RFTN1: variants seen among roughly 807,000 people sequenced by gnomAD.
The protein encoded by RFTN1 is raftlin.
In RFTN1, 26 loss-of-function variants were observed where a neutral mutation model predicts 46.5. The ratio of observed to expected loss-of-function variants is 0.56; its 90% CI spans 0.41 to 0.78. RFTN1 has a LOEUF of 0.78. Ranked by LOEUF, RFTN1 falls within the 30% of genes least tolerant of loss-of-function variation. RFTN1 has a pLI of 0.00. For synonymous variants in RFTN1, 261 were observed against 284.2 expected, an observed-to-expected ratio of 0.92 and a Z score of 0.82; for missense variants, 693 against 718.7, an observed-to-expected ratio of 0.96 and a Z score of 0.41.
At chr3:16,502,470 C>A (rs1206868227) in intron 1 of RFTN1, among the ~76,000 whole-genome samples, 1 of 152,142 alleles carries the variant, frequency 6.6e-6, no homozygotes, top group African/African-American at 2.4e-5. Flanking sequence ...CAGTGATCCT[C>A]CTGGTATTCA....
intron 1 of RFTN1, among the ~76,000 whole-genome samples, chr3:16,511,833 C>T (rs1215685999): frequency 1.3e-5 from 2 of 152,078 alleles, no homozygotes; most frequent in East Asian, 3.9e-4. Context: ...TCTTTCAATT[C>T]CTGTACCAAA....
At chr3:16,326,474 A>AT (rs1274816754) in intron 8 of RFTN1, among the ~76,000 whole-genome samples, 4 of 152,212 alleles carry the variant, frequency 2.6e-5, no homozygotes, top group Non-Finnish European at 5.9e-5. Flanking sequence ...TAGGTGCTGA[A>AT]TTTCTTTTGC....
In RFTN1 at chr3:16,485,425, ACAAGGACTCCATACATACAACAG is replaced by A. The variant is rs1559370519; in HGVS notation, c.145+8277_145+8299del. ...CAGCAAGGACTCCATATATACAACA[ACAAGGACTCCATACATACAACAG>A]CAAGGACTCCATACATACAACATCA... On this transcript the variant is annotated intron_variant, in intron 2 of 9. Transcript: ENST00000334133. Among the ~76,000 whole-genome samples the A allele has an allele frequency of 2.7e-5, 4 of 150,564 alleles. No homozygotes were observed. In the South Asian group the frequency reaches 6.2e-4, roughly 23 times the overall value.
intron 4 of RFTN1, among the ~76,000 whole-genome samples, chr3:16,394,189 T>C (rs975950346): frequency 2.6e-5 from 4 of 151,762 alleles, no homozygotes; most frequent in Admixed American, 6.6e-5. Context: ...CTGGGTAACA[T>C]AGCATGACCC....
At chr3:16,488,419 T>C (rs1439787104) in intron 2 of RFTN1, among the ~76,000 whole-genome samples, 1 of 152,080 alleles carries the variant, frequency 6.6e-6, no homozygotes. Context: ...TTTTGGAAAA[T>C]GCACATGGCA....
intron 1 of RFTN1, among the ~76,000 whole-genome samples, chr3:16,495,170 T>C (rs1331740949): frequency 6.6e-6 from 1 of 152,180 alleles, no homozygotes; most frequent in Non-Finnish European, 1.5e-5. Context: ...AGAGCAGACA[T>C]GATTTATGTG....
rs2072099161 is a variant in RFTN1 at position 16,351,470 on chromosome 3, CAG to C, written c.1146+6460_1146+6461del. Among the ~76,000 whole-genome samples the C allele has an allele frequency of 6.6e-6, 1 of 152,244 alleles. No individual in the cohort carries two copies. Among genetic ancestry groups the C allele is most frequent in the Admixed American group, 6.5e-5 (1 of 15,294 alleles). ...CTCAACAAAAGATTGAATACGCAGG[CAG>C]AGAGTGGAGAAGAGCTGACTCCAGA... is the stretch of plus-strand genomic sequence containing the variant. On this transcript the variant is annotated intron_variant, in intron 7 of 9. Coordinates refer to ENST00000334133, the MANE Select transcript of RFTN1 (RefSeq NM_015150.2). The surrounding 1 kb of genome is among the most constrained non-coding windows in gnomAD (Gnocchi z 5.4).
At chr3:16,511,943 A>T (rs2076908655) in intron 1 of RFTN1, among the ~76,000 whole-genome samples, 1 of 152,134 alleles carries the variant, frequency 6.6e-6, no homozygotes, top group African/African-American at 2.4e-5. Flanking sequence ...TGATATACAA[A>T]TGCAGCCAGA....
At chr3:16,510,067 C>T (rs900987539) in intron 1 of RFTN1, among the ~76,000 whole-genome samples, 37 of 152,216 alleles carry the variant, frequency 2.4e-4, no homozygotes, top group South Asian at 8.3e-4. Context: ...TTAGGGGACC[C>T]GAGGGGCACA....
chr3:16,359,721 T>C (rs1162765928), intron 6 of RFTN1, among the ~76,000 whole-genome samples: 2 of 152,224 alleles, frequency 1.3e-5, no homozygotes, highest in African/African-American at 2.4e-5. Flanking sequence ...TATTTTGTTA[T>C]GACAGTCCTA....
At chr3:16,369,930 G>C (rs1345247579) in intron 6 of RFTN1, 146 bp downstream of exon 6, 7 of 752,834 alleles carry the variant, frequency 9.3e-6, no homozygotes, top group Non-Finnish European at 1.5e-5. Context: ...AGTTCCTCAA[G>C]ATGTGTTAAT....
intron 2 of RFTN1, among the ~76,000 whole-genome samples, chr3:16,455,168 G>C (rs1383344043): frequency 3.3e-5 from 5 of 152,234 alleles, no homozygotes; most frequent in African/African-American, 9.6e-5. Context: ...AACAGCTGCA[G>C]CAACAGCAGC....
Position 16,334,342 on chromosome 3 carries a change from G to GAAC in RFTN1, c.1147-7469_1147-7467dup, listed in dbSNP as rs1275714167. Among the ~76,000 whole-genome samples, 1 of 152,190 alleles carries GAAC rather than the reference G, an allele frequency of 6.6e-6. No homozygotes were observed. Among genetic ancestry groups the GAAC allele is most frequent in the Non-Finnish European group, 1.5e-5 (1 of 68,044 alleles). On this transcript the variant is annotated intron_variant, in intron 7 of 9. Coordinates refer to ENST00000334133, the MANE Select transcript of RFTN1 (RefSeq NM_015150.2). The surrounding 1 kb of genome is among the most constrained non-coding windows in gnomAD (Gnocchi z 4.3). ...GGCTCATTGATTCAACCCTCCTGGA[G>GAAC]AACAGTTTGACAGTATCTTTCAAAA... is the stretch of plus-strand genomic sequence containing the variant.
At chr3:16,510,371 T>C (rs915228813) in intron 1 of RFTN1, among the ~76,000 whole-genome samples, 13 of 152,160 alleles carry the variant, frequency 8.5e-5, no homozygotes, top group African/African-American at 2.7e-4. Context: ...TTTTTCTTTT[T>C]ATAGAAAGCA....
intron 4 of RFTN1, among the ~76,000 whole-genome samples, chr3:16,390,535 T>G (rs2074319694): frequency 6.6e-6 from 1 of 152,236 alleles, no homozygotes; most frequent in Admixed American, 6.5e-5. Context: ...TTAGCAAACC[T>G]GTATGCAAAC....
chr3:16,394,051 C>T (rs1332687709), intron 4 of RFTN1, among the ~76,000 whole-genome samples: 1 of 151,996 alleles, frequency 6.6e-6, no homozygotes, highest in Non-Finnish European at 1.5e-5. Context: ...AGTAGGCAAT[C>T]TTCTTAAAGA....
rs187464914 is a variant in RFTN1 at position 16,329,134 on chromosome 3, A to C, written c.1147-2258T>G. Reference sequence around the variant, plus strand: ...ACTCAGGCAAAGGGCTTGAGGCTACAAGTTCAGTCTCCTGCTCTCTCCCCT... The same window carrying C: ...ACTCAGGCAAAGGGCTTGAGGCTACCAGTTCAGTCTCCTGCTCTCTCCCCT... On this transcript the variant is annotated intron_variant, in intron 7 of 9. Coordinates refer to ENST00000334133, the MANE Select transcript of RFTN1 (RefSeq NM_015150.2). This position sits in a 1 kb window ranked among gnomAD's most constrained non-coding sequence, Gnocchi z 4.5. Among the ~76,000 whole-genome samples the C allele has an allele frequency of 1.3e-5, 2 of 152,198 alleles. No individual in the cohort carries two copies. The highest frequency in any genetic ancestry group is 2.9e-5 in the Non-Finnish European group (2 of 68,022).
rs1464332689 is a variant in RFTN1 at position 16,317,773 on chromosome 3, G to A, written c.1333-541C>T. The stretch of plus-strand genomic sequence containing the variant: ...GGCGGGCCCGCTCCCCAGCTAGGCC[G>A]ATAGCCCTTTGCTGACCACCACCTC... On this transcript the variant is annotated intron_variant, in intron 9 of 9. Coordinates refer to ENST00000334133, the MANE Select transcript of RFTN1 (RefSeq NM_015150.2). This position sits in a 1 kb window ranked among gnomAD's most constrained non-coding sequence, Gnocchi z 4.3. 1.3e-5 allele frequency among the ~76,000 whole-genome samples: 2 copies of A among 151,768 alleles called. No homozygotes were observed. Among genetic ancestry groups the A allele is most frequent in the Non-Finnish European group, 2.9e-5 (2 of 67,990 alleles).
chr3:16,415,321 G>A (rs531582114), intron 3 of RFTN1, among the ~76,000 whole-genome samples: 12 of 151,246 alleles, frequency 7.9e-5, no homozygotes, highest in South Asian at 2.1e-4. Context: ...ACAGGCTTAG[G>A]GGGGAAGAAA....
Sources: gnomAD v4.1 joint callset for allele counts (sites outside exome capture counted in the v4.1 genomes callset) on GRCh38, gnomAD v4.1.1 for gene constraint, Gnocchi (gnomAD v3.1) non-coding constraint, MANE v1.5 for transcripts, NCBI Gene and HGNC (gene_info 2026-07-23, HGNC 2026-07-21) for gene names.